EVC: variants seen among roughly 807,000 people sequenced by gnomAD.
The protein encoded by EVC is evC complex member EVC.
EVC carries 116 observed loss-of-function variants against 118.9 expected under a neutral mutation model. The ratio of observed to expected loss-of-function variants is 0.98; its 90% CI spans 0.84 to 1.14. The LOEUF (loss-of-function observed/expected upper bound fraction) is 1.14, where lower values mean the gene tolerates loss of function less well. EVC is among the 50% of genes most tolerant of loss of function. The pLI is 0.00. For synonymous variants in EVC, 619 were observed against 534.7 expected (o/e 1.16, Z -2.18); for missense variants, 1,401 against 1,246.4 (o/e 1.12, Z -1.87).
At chr4:5,821,744 C>CT in the EVC span, 1 of 1,597,574 alleles carries the variant, frequency 6.3e-7, no homozygotes, top group Non-Finnish European at 8.5e-7. This position sits in a 1 kb window ranked among gnomAD's most constrained non-coding sequence, Gnocchi z 4.4. Flanking sequence ...AGGCTAGCTC[C>CT]TCCGCGCATC....
intron 5 of EVC, among the ~76,000 whole-genome samples, chr4:5,739,306 C>T (rs529458594): frequency 1.3e-5 from 2 of 152,210 alleles, no homozygotes; most frequent in East Asian, 3.9e-4. Context: ...AGTAGAAAGC[C>T]AGGACACCAC....
the EVC span, among the ~76,000 whole-genome samples, chr4:5,827,669 TAC>T: frequency 6.6e-6 from 1 of 150,942 alleles, no homozygotes; most frequent in Non-Finnish European, 1.5e-5. Context: ...TATGCACACA[TAC>T]ACACGTGCAT....
chr4:5,783,498 C>T (rs1735939946), intron 11 of EVC, 54 bp from the exon 12 acceptor site: 3 of 1,565,224 alleles, frequency 1.9e-6, no homozygotes, highest in Non-Finnish European at 1.8e-6. Flanking sequence ...CAGCTCAGGC[C>T]CCACACAGGG....
Position 5,737,610 on chromosome 4 carries a change from T to A in EVC, c.703-4106T>A, listed in dbSNP as rs1267275233. Among the ~76,000 whole-genome samples, 1 of 152,084 alleles carries A rather than the reference T, an allele frequency of 6.6e-6. No homozygotes were observed. The highest frequency in any genetic ancestry group is 1.5e-5 in the Non-Finnish European group (1 of 67,992). ...ACCACTCCGAAAGTCCTAGGGCCCT[T>A]AAGGGTGATGCTAAATCTACTCTGC... On this transcript the variant is annotated intron_variant, in intron 5 of 20. Coordinates refer to ENST00000264956, the MANE Select transcript of EVC (RefSeq NM_153717.3). This position sits in a 1 kb window ranked among gnomAD's most constrained non-coding sequence, Gnocchi z 5.0.
chr4:5,721,479 T>C (rs1258640049), intron 2 of EVC, among the ~76,000 whole-genome samples: 5 of 152,026 alleles, frequency 3.3e-5, no homozygotes, highest in African/African-American at 1.2e-4. Flanking sequence ...AGAAAGTAGA[T>C]TAGTGGTTTC....
At chr4:5,734,293 C>A (rs543842605) in intron 5 of EVC, among the ~76,000 whole-genome samples, 2 of 152,276 alleles carry the variant, frequency 1.3e-5, no homozygotes, top group African/African-American at 4.8e-5. Flanking sequence ...AACAGGTGGA[C>A]AGACACACAG....
intron 11 of EVC, among the ~76,000 whole-genome samples, chr4:5,768,581 GCA>G (rs1733403361): frequency 6.6e-6 from 1 of 152,126 alleles, no homozygotes; most frequent in South Asian, 2.1e-4. Context: ...TCTCGGCTGG[GCA>G]CAGTGGCTCA....
At chr4:5,733,692 G>A (rs189172162) in intron 5 of EVC, among the ~76,000 whole-genome samples, 2 of 152,284 alleles carry the variant, frequency 1.3e-5, no homozygotes, top group Non-Finnish European at 1.5e-5. Context: ...GCCTCCTCCC[G>A]GGCTACACCT....
Position 5,719,353 on chromosome 4 carries a change from A to G in EVC, c.280A>G (p.Lys94Glu). Residue 94 changes from lysine to glutamate, a missense_variant, in exon 2 of 21, where the codon AAG (lysine) becomes GAG (glutamate). Transcript: ENST00000264956. This position sits in a 1 kb window ranked among gnomAD's most constrained non-coding sequence, Gnocchi z 4.7. ...GAGGAAGAGAGAAGTGCAGATGTCG[A>G]AGGACAAGGAAGCTGTTGATGTAAG... ...RRRKREVQMS[K>E]DKEAVDECEP... The G allele has an allele frequency of 1.2e-6, 2 of 1,614,156 alleles. No homozygotes were observed. Among genetic ancestry groups the G allele is most frequent in the Non-Finnish European group, 1.7e-6 (2 of 1,180,020 alleles).
At chr4:5,759,330 C>G (rs1232849974) in intron 11 of EVC, among the ~76,000 whole-genome samples, 1 of 151,514 alleles carries the variant, frequency 6.6e-6, no homozygotes, top group Non-Finnish European at 1.5e-5. Context: ...ATGGTTTGGT[C>G]GCCGCATCCC....
Position 5,756,296 on chromosome 4 carries a change from G to A in EVC, c.1497G>A (p.Leu499=). ...ATGAGGTCCTGGAGAGGCAGAGGCT[G>A]ATGCAGTGTGACCTGGAGGAAGAGG... is the stretch of plus-strand genomic sequence containing the variant. ...AFHEVLERQR[L]MQCDLEEEEN... Residue 499 remains leucine (L), a synonymous_variant, in exon 11 of 21, where the codon CTG becomes CTA. Transcript: ENST00000264956. The surrounding 1 kb of genome is among the most constrained non-coding windows in gnomAD (Gnocchi z 4.2). 1 of 1,613,112 alleles carries A rather than the reference G, an allele frequency of 6.2e-7. No individual in the cohort carries two copies. Among genetic ancestry groups the A allele is most frequent in the South Asian group, 1.1e-5 (1 of 90,552 alleles).
the EVC span, chr4:5,825,947 C>T: frequency 4.3e-6 from 2 of 460,032 alleles, no homozygotes; most frequent in African/African-American, 4.1e-5. This position sits in a 1 kb window ranked among gnomAD's most constrained non-coding sequence, Gnocchi z 4.4. Flanking sequence ...GTCATGCACA[C>T]ATATATGCAT....
chr4:5,765,858 G>A (rs1051603091), intron 11 of EVC, among the ~76,000 whole-genome samples: 22 of 150,314 alleles, frequency 1.5e-4, no homozygotes, highest in African/African-American at 5.2e-4. Flanking sequence ...TCTTCATCCA[G>A]TTTGCCAGTC....
rs1004972781 is a variant in EVC at position 5,748,441 on chromosome 4, A to C, written c.1098+135A>C. ...TAGAGCCTCAGGGAAAAAAAAACCA[A>C]CAACAACAGTAAATTCATTCATCCA... is the stretch of plus-strand genomic sequence containing the variant. On this transcript the variant is annotated intron_variant, in intron 8 of 20. Transcript: ENST00000264956. 1.2e-5 allele frequency: 10 copies of C among 843,652 alleles called. No homozygotes were observed. In the Admixed American group the frequency reaches 2.2e-4, roughly 18 times the overall value. 52.3% of individuals were successfully genotyped at this position (843,652 alleles called of 1,614,324 possible).
chr4:5,727,145 A>G (rs2151904966), intron 2 of EVC, among the ~76,000 whole-genome samples: 1 of 152,046 alleles, frequency 6.6e-6, no homozygotes. Flanking sequence ...AGGAATCGCC[A>G]CACTGACTTC....
At chr4:5,747,387 C>T (rs529003338) in intron 7 of EVC, among the ~76,000 whole-genome samples, 4 of 152,290 alleles carry the variant, frequency 2.6e-5, no homozygotes, top group African/African-American at 4.8e-5. Flanking sequence ...TGAACCAAAT[C>T]CGGGCTTTCA....
intron 11 of EVC, among the ~76,000 whole-genome samples, chr4:5,777,786 A>G (rs1366818671): frequency 2.0e-5 from 3 of 152,114 alleles, no homozygotes; most frequent in Non-Finnish European, 2.9e-5. Context: ...CGATGAGCTT[A>G]AGAGTGTGGC....
Position 5,716,905 on chromosome 4 carries a change from C to T in EVC, c.175-2343C>T, listed in dbSNP as rs190753488. Among the ~76,000 whole-genome samples, 21 of 152,174 alleles carry T rather than the reference C, an allele frequency of 1.4e-4. No homozygotes were observed. The East Asian group carries it at 3.9e-3, about 28-fold the overall frequency. On this transcript the variant is annotated intron_variant, in intron 1 of 20. Transcript: ENST00000264956. ...ACACGAAACCTCTTTTCCTTTTGTT[C>T]CTCTGTAGAATCTTAAAGAACCTTT...
chr4:5,756,177 A>G lies in EVC; in HGVS notation c.1465-87A>G. On this transcript the variant is annotated intron_variant, in intron 10 of 20. Transcript: ENST00000264956. This position sits in a 1 kb window ranked among gnomAD's most constrained non-coding sequence, Gnocchi z 4.2. ...CCAACATCCTTCTTTCTAACCTGAGATGCAGGGGATGGTTGGAGAACCTTC... is the reference window on the plus strand; with the variant it reads ...CCAACATCCTTCTTTCTAACCTGAGGTGCAGGGGATGGTTGGAGAACCTTC... 1 of 1,002,152 alleles carries G rather than the reference A, an allele frequency of 1.0e-6. No individual in the cohort carries two copies. Among genetic ancestry groups the G allele is most frequent in the Non-Finnish European group, 1.5e-6 (1 of 653,520 alleles). The allele number at this position is 1,002,152 out of a possible 1,614,324, so 62.1% of individuals were successfully genotyped here.
Sources: allele counts gnomAD v4.1 joint callset (sites outside exome capture counted in the v4.1 genomes callset), GRCh38; gene constraint gnomAD v4.1.1; non-coding constraint Gnocchi (gnomAD v3.1); transcripts MANE v1.5; gene names NCBI Gene and HGNC (gene_info 2026-07-23, HGNC 2026-07-21).